AHCYL2: variants seen among roughly 807,000 people sequenced by gnomAD.
AHCYL2 encodes S-adenosylhomocysteine hydrolase-like protein 2.
AHCYL2 carries 28 observed loss-of-function variants against 81.4 expected under a neutral mutation model. That is an observed-to-expected ratio of 0.34 (90% confidence interval 0.25 to 0.47). AHCYL2 has a LOEUF of 0.47. Among genes scored for constraint, AHCYL2 ranks in the 20% least tolerant of loss-of-function variants. The pLI is 1.00. For missense variants in AHCYL2, 551 were observed against 785.1 expected (o/e 0.70, Z 3.56); for synonymous variants, 272 against 290.2 (o/e 0.94, Z 0.64).
chr7:129,294,144 G>A (rs1380872189), intron 1 of AHCYL2, among the ~76,000 whole-genome samples: 1 of 152,178 alleles, frequency 6.6e-6, no homozygotes, highest in African/African-American at 2.4e-5. Flanking sequence ...TATATGTTTA[G>A]TTGGTAGAAC....
intron 2 of AHCYL2, among the ~76,000 whole-genome samples, chr7:129,385,425 A>G (rs1288121551): frequency 2.6e-5 from 4 of 152,232 alleles, no homozygotes; most frequent in Non-Finnish European, 5.9e-5. Context: ...CTGAGAGGTA[A>G]AGCTTAATCA....
At chr7:129,284,150 G>A (rs1796543824) in intron 1 of AHCYL2, among the ~76,000 whole-genome samples, 1 of 152,134 alleles carries the variant, frequency 6.6e-6, no homozygotes, top group African/African-American at 2.4e-5. Context: ...TTCTGTTAGT[G>A]GAAGTAATAA....
At chr7:129,342,534 A>G (rs1379759526) in intron 1 of AHCYL2, among the ~76,000 whole-genome samples, 5 of 152,200 alleles carry the variant, frequency 3.3e-5, no homozygotes, top group Non-Finnish European at 7.4e-5. Context: ...TCTGTGTGTT[A>G]GAGAATGCGG....
intron 1 of AHCYL2, among the ~76,000 whole-genome samples, chr7:129,227,106 A>G (rs1460137302): frequency 1.3e-5 from 2 of 152,220 alleles, no homozygotes; most frequent in East Asian, 3.8e-4. Context: ...AAATTACACA[A>G]ATCAGTTTCC....
chr7:129,256,342 C>A (rs547889235), intron 1 of AHCYL2, among the ~76,000 whole-genome samples: 4 of 152,244 alleles, frequency 2.6e-5, no homozygotes, highest in African/African-American at 4.8e-5. Context: ...ATCTGATTCC[C>A]TTCCTTGAGA....
chr7:129,319,855 A>G (rs1797954153), intron 1 of AHCYL2, among the ~76,000 whole-genome samples: 1 of 152,254 alleles, frequency 6.6e-6, no homozygotes, highest in African/African-American at 2.4e-5. Context: ...TATTACAAAT[A>G]AAGCTGTTGT....
rs375465332 is a variant in AHCYL2, at chr7:129,403,508, C to T, written c.1025+23C>T. ...CAGGTAAGATTTGACATGGGCATAC[C>T]TGGTTTTATGCAGTCTAGACATAAA... On this transcript the variant is annotated intron_variant, in intron 7 of 16. Transcript: ENST00000325006. 42 of 1,512,410 alleles carry T rather than the reference C, an allele frequency of 2.8e-5. 1 individual carries two copies. The Middle Eastern group carries it at 6.9e-4, about 25-fold the overall frequency. The allele number at this position is 1,512,410 out of a possible 1,614,324, so 93.7% of individuals were successfully genotyped here.
chr7:129,356,930 G>A (rs1454811860), intron 1 of AHCYL2, among the ~76,000 whole-genome samples: 1 of 152,220 alleles, frequency 6.6e-6, no homozygotes, highest in East Asian at 1.9e-4. Flanking sequence ...CTTAAAATAA[G>A]GAATTGAATT....
intron 6 of AHCYL2, 66 bp downstream of exon 6, chr7:129,400,450 C>T: frequency 6.9e-7 from 1 of 1,440,800 alleles, no homozygotes; most frequent in Non-Finnish European, 9.6e-7. Context: ...GAGGTTATGG[C>T]CTAGGAGAGG....
chr7:129,246,286 G>A (rs908039527), intron 1 of AHCYL2, among the ~76,000 whole-genome samples: 1 of 152,094 alleles, frequency 6.6e-6, no homozygotes, highest in Non-Finnish European at 1.5e-5. Flanking sequence ...TTGAACTCCC[G>A]ACCTAAGGTG....
chr7:129,352,174 A>G (rs1007023716), intron 1 of AHCYL2, among the ~76,000 whole-genome samples: 11 of 152,188 alleles, frequency 7.2e-5, no homozygotes, highest in Admixed American at 3.3e-4. Context: ...TTTTTTAATC[A>G]TGTATCTCTT....
intron 1 of AHCYL2, among the ~76,000 whole-genome samples, chr7:129,269,626 G>A (rs1028881101): frequency 6.6e-6 from 1 of 151,632 alleles, no homozygotes; most frequent in Admixed American, 6.6e-5. Flanking sequence ...ATAGAGATGG[G>A]GGTCTCACTA....
intron 1 of AHCYL2, among the ~76,000 whole-genome samples, chr7:129,359,413 G>A (rs1019855414): frequency 1.3e-5 from 2 of 152,144 alleles, no homozygotes; most frequent in South Asian, 4.2e-4. Flanking sequence ...TTTCTTATCT[G>A]TGTAGTGGTT....
At chr7:129,278,085 GTCTT>G (rs1164479368) in intron 1 of AHCYL2, among the ~76,000 whole-genome samples, 1 of 152,122 alleles carries the variant, frequency 6.6e-6, no homozygotes, top group African/African-American at 2.4e-5. Flanking sequence ...GGTATGGTCA[GTCTT>G]TATTTTTAGC....
intron 12 of AHCYL2, among the ~76,000 whole-genome samples, chr7:129,414,444 G>A (rs1250348648): frequency 4.9e-5 from 5 of 101,456 alleles, no homozygotes; most frequent in African/African-American, 6.8e-5. Flanking sequence ...TTTTTGAGAC[G>A]GAGTCTCACT....
At chr7:129,287,012 GTAAC>G (rs1364576886) in intron 1 of AHCYL2, among the ~76,000 whole-genome samples, 1 of 151,994 alleles carries the variant, frequency 6.6e-6, no homozygotes, top group Non-Finnish European at 1.5e-5. Context: ...TTCATGAAAA[GTAAC>G]TACATTTTCT....
At chr7:129,343,703 A>G (rs1318738418) in intron 1 of AHCYL2, among the ~76,000 whole-genome samples, 1 of 152,190 alleles carries the variant, frequency 6.6e-6, no homozygotes, top group African/African-American at 2.4e-5. Context: ...TGGATCATAG[A>G]CTATAGAAAA....
intron 1 of AHCYL2, among the ~76,000 whole-genome samples, chr7:129,339,169 G>A (rs868068135): frequency 1.7e-4 from 26 of 152,218 alleles, no homozygotes; most frequent in South Asian, 6.2e-4. Context: ...TAGCCATTTA[G>A]GTTCTTGTCT....
chr7:129,407,872 T>C (rs1796378690), intron 10 of AHCYL2, among the ~76,000 whole-genome samples: 1 of 152,164 alleles, frequency 6.6e-6, no homozygotes. Context: ...GGGAGCAGGG[T>C]AGAAAGAGAT....
Sources: allele counts gnomAD v4.1 joint callset (sites outside exome capture counted in the v4.1 genomes callset), GRCh38; gene constraint gnomAD v4.1.1; transcripts MANE v1.5; gene names NCBI Gene and HGNC (gene_info 2026-07-23, HGNC 2026-07-21).